Variants in CCSER1 observed in about 807,000 individuals in gnomAD.
The protein encoded by CCSER1 is serine-rich coiled-coil domain-containing protein 1.
In CCSER1, 41 loss-of-function variants were observed where a neutral mutation model predicts 82.0. The observed-to-expected ratio is 0.50, with a 90% CI of 0.39 to 0.65. The LOEUF (loss-of-function observed/expected upper bound fraction) is 0.65, where lower values mean the gene tolerates loss of function less well. Ranked by LOEUF, CCSER1 falls within the 30% of genes least tolerant of loss-of-function variation. The pLI is 0.00. For synonymous variants in CCSER1, 414 were observed against 383.9 expected (o/e 1.08, Z -0.92); for missense variants, 1,119 against 1,064.2 (o/e 1.05, Z -0.72).
intron 10 of CCSER1, among the ~76,000 whole-genome samples, chr4:91,193,822 A>T (rs1581747300): frequency 6.7e-6 from 1 of 149,622 alleles, no homozygotes; most frequent in African/African-American, 2.5e-5. Context: ...TGTTTTATTG[A>T]TTTTTTTTTT....
chr4:90,423,915 C>T (rs571117594), intron 4 of CCSER1, among the ~76,000 whole-genome samples: 204 of 151,726 alleles, frequency 1.3e-3, no homozygotes, highest in Non-Finnish European at 2.1e-3. Flanking sequence ...CATGGTGAAA[C>T]CTTGTCTCTA....
chr4:91,045,290 G>A (rs1200052119), intron 9 of CCSER1, among the ~76,000 whole-genome samples: 2 of 152,116 alleles, frequency 1.3e-5, no homozygotes, highest in African/African-American at 2.4e-5. Flanking sequence ...ATTAATATGT[G>A]AAAATGTTCT....
At chr4:90,350,251 AAG>A (rs1235015780) in intron 3 of CCSER1, among the ~76,000 whole-genome samples, 2 of 152,112 alleles carry the variant, frequency 1.3e-5, no homozygotes, top group African/African-American at 2.4e-5. Context: ...ATGTGGAAAA[AAG>A]AGGGTGCAGG....
At chr4:90,234,880 G>A (rs904690644) in intron 1 of CCSER1, among the ~76,000 whole-genome samples, 3 of 152,148 alleles carry the variant, frequency 2.0e-5, no homozygotes, top group African/African-American at 7.2e-5. Flanking sequence ...CTGGCTGTAA[G>A]TTCCATCCCG....
At chr4:90,922,159 A>G (rs1195120277) in intron 8 of CCSER1, among the ~76,000 whole-genome samples, 1 of 152,050 alleles carries the variant, frequency 6.6e-6, no homozygotes, top group Non-Finnish European at 1.5e-5. Context: ...AACATAAAAT[A>G]TTTCTTTTCT....
chr4:91,316,247 G>GTA (rs1745828987), intron 10 of CCSER1, among the ~76,000 whole-genome samples: 1 of 151,898 alleles, frequency 6.6e-6, no homozygotes, highest in African/African-American at 2.4e-5. Flanking sequence ...AAATAACACA[G>GTA]TAATAGTTTT....
At chr4:91,560,807 T>A (rs550889383) in intron 10 of CCSER1, among the ~76,000 whole-genome samples, 15 of 151,478 alleles carry the variant, frequency 9.9e-5, no homozygotes, top group African/African-American at 2.9e-4. Flanking sequence ...TTTATTATGC[T>A]CAGATTACTT....
chr4:91,061,227 A>C (rs897099870), intron 9 of CCSER1, among the ~76,000 whole-genome samples: 2 of 151,990 alleles, frequency 1.3e-5, no homozygotes, highest in African/African-American at 2.4e-5. Flanking sequence ...ATATATTGTG[A>C]TGTTAAATGA....
chr4:90,145,047 G>A (rs1241163516), intron 1 of CCSER1, among the ~76,000 whole-genome samples: 1 of 152,068 alleles, frequency 6.6e-6, no homozygotes, highest in Non-Finnish European at 1.5e-5. Flanking sequence ...ATAAAAGCAT[G>A]ATGGCCCGTA....
intron 4 of CCSER1, among the ~76,000 whole-genome samples, chr4:90,432,044 A>G (rs750541561): frequency 1.3e-5 from 2 of 152,118 alleles, no homozygotes; most frequent in Non-Finnish European, 2.9e-5. Context: ...CCATGGGTCT[A>G]GAAATCTTGG....
intron 10 of CCSER1, among the ~76,000 whole-genome samples, chr4:91,160,980 G>A (rs1731333055): frequency 6.6e-6 from 1 of 152,084 alleles, no homozygotes; most frequent in South Asian, 2.1e-4. Context: ...TCTTTCCCAT[G>A]CCTATGTCTT....
chr4:91,427,675 C>T (rs1204815063), intron 10 of CCSER1, among the ~76,000 whole-genome samples: 2 of 152,072 alleles, frequency 1.3e-5, no homozygotes, highest in African/African-American at 4.8e-5. Context: ...ATTAACTTAA[C>T]TAGCTAGTGC....
At chr4:91,022,952 C>T (rs996488449) in intron 9 of CCSER1, among the ~76,000 whole-genome samples, 4 of 152,232 alleles carry the variant, frequency 2.6e-5, no homozygotes, top group African/African-American at 4.8e-5. Flanking sequence ...TTCTCCCATT[C>T]TGTAGGTTGC....
chr4:90,542,398 G>A (rs914345625), intron 5 of CCSER1, among the ~76,000 whole-genome samples: 3 of 152,096 alleles, frequency 2.0e-5, no homozygotes, highest in Admixed American at 2.0e-4. Flanking sequence ...ACTTATTCTA[G>A]TCAGGCTCAG....
rs528499770 is a variant in CCSER1, at chr4:90,905,386, A to G, written c.2095-17984A>G. 1.1e-4 allele frequency among the ~76,000 whole-genome samples: 16 copies of G among 151,670 alleles called. 1 individual carries two copies. In the South Asian group the frequency reaches 2.7e-3, roughly 26 times the overall value. On this transcript the variant is annotated intron_variant, in intron 8 of 10. Transcript: ENST00000509176. ...CACACACACACACACACACACACAT[A>G]TATTAGTTTCTTAAGAAAAAATGCA... is the stretch of plus-strand genomic sequence containing the variant.
chr4:91,541,576 C>A (rs1410985209), intron 10 of CCSER1, among the ~76,000 whole-genome samples: 2 of 152,162 alleles, frequency 1.3e-5, no homozygotes, highest in Non-Finnish European at 2.9e-5. Flanking sequence ...TTTATGGCTG[C>A]ATAGTATTCC....
rs11939682 is a variant in CCSER1, at chr4:90,809,588, A to G, written c.2011-6174A>G. 6.2e-3 allele frequency among the ~76,000 whole-genome samples: 945 copies of G among 152,238 alleles called. 10 individuals are homozygous for G. Among genetic ancestry groups the G allele is most frequent in the African/African-American group, 0.022 (909 of 41,532 alleles). ...AAATTACCTATTGGGTACAATGTAC[A>G]CTATTTAAGTGATAAGTACACTAAA... On this transcript the variant is annotated intron_variant, in intron 7 of 10. Transcript: ENST00000509176.
At chr4:90,224,468 CAGGAAAT>C (rs1742752247) in intron 1 of CCSER1, among the ~76,000 whole-genome samples, 1 of 152,128 alleles carries the variant, frequency 6.6e-6, no homozygotes. Context: ...TCTTTTGTGG[CAGGAAAT>C]ATTTTAGATA....
At chr4:90,304,574 C>T (rs528239635) in intron 1 of CCSER1, among the ~76,000 whole-genome samples, 1 of 152,100 alleles carries the variant, frequency 6.6e-6, no homozygotes, top group Non-Finnish European at 1.5e-5. Flanking sequence ...TGCATATTCT[C>T]ACTCATAGAT....
Sources: gnomAD v4.1 joint callset for allele counts (sites outside exome capture counted in the v4.1 genomes callset) on GRCh38, gnomAD v4.1.1 for gene constraint, MANE v1.5 for transcripts, NCBI Gene and HGNC (gene_info 2026-07-23, HGNC 2026-07-21) for gene names.